The following KCNK2 variants were observed in gnomAD, a reference collection of about 807,000 sequenced individuals.
KCNK2 encodes the protein potassium two pore domain channel subfamily K member 2.
KCNK2 carries 21 observed loss-of-function variants against 40.5 expected under a neutral mutation model. That is an observed-to-expected ratio of 0.52 (90% CI 0.37 to 0.75). The LOEUF (loss-of-function observed/expected upper bound fraction) is 0.75, where lower values mean the gene tolerates loss of function less well. KCNK2 is among the 30% of genes least tolerant of loss of function. The pLI, the probability that KCNK2 is intolerant of heterozygous loss-of-function variation, is 0.00. For synonymous variants in KCNK2, 191 were observed against 202.2 expected, an observed-to-expected ratio of 0.94 and a Z score of 0.47; for missense variants, 399 against 531.6, an observed-to-expected ratio of 0.75 and a Z score of 2.45.
chr1:215,046,189 C>G (rs1461103216), intron 1 of KCNK2, among the ~76,000 whole-genome samples: 3 of 152,038 alleles, frequency 2.0e-5, no homozygotes, highest in Non-Finnish European at 4.4e-5. Context: ...ATAGAAATAT[C>G]TGTTACCAGA....
intron 1 of KCNK2, among the ~76,000 whole-genome samples, chr1:215,027,973 T>G (rs1241776720): frequency 6.6e-6 from 1 of 152,204 alleles, no homozygotes; most frequent in African/African-American, 2.4e-5. Flanking sequence ...TTAATATTAT[T>G]TTAATTCTTT....
chr1:215,225,018 A>G (rs1666330544), intron 6 of KCNK2, among the ~76,000 whole-genome samples: 2 of 152,168 alleles, frequency 1.3e-5, no homozygotes, highest in Non-Finnish European at 2.9e-5. Context: ...TATATACTGC[A>G]TAATATAACA....
chr1:215,057,037 A>G (rs898969563), intron 1 of KCNK2, among the ~76,000 whole-genome samples: 1 of 152,136 alleles, frequency 6.6e-6, no homozygotes, highest in Admixed American at 6.6e-5. Flanking sequence ...AGTTTGTGTA[A>G]GTTTATTACT....
intron 1 of KCNK2, among the ~76,000 whole-genome samples, chr1:215,015,507 T>A (rs920352837): frequency 2.0e-5 from 3 of 152,140 alleles, no homozygotes; most frequent in Non-Finnish European, 4.4e-5. Flanking sequence ...GGTAACTCTT[T>A]ATCCATTCAT....
intron 1 of KCNK2, among the ~76,000 whole-genome samples, chr1:215,070,512 G>A (rs1442513863): frequency 6.6e-6 from 1 of 151,606 alleles, no homozygotes; most frequent in East Asian, 1.9e-4. Context: ...ATGGCTGAAG[G>A]TAAATGAGGA....
chr1:215,095,555 G>A (rs2102543991), intron 2 of KCNK2, among the ~76,000 whole-genome samples: 1 of 152,186 alleles, frequency 6.6e-6, no homozygotes, highest in South Asian at 2.1e-4. Flanking sequence ...AAGTGGCACA[G>A]CAAACGTTAA....
intron 3 of KCNK2, among the ~76,000 whole-genome samples, chr1:215,136,199 G>C (rs1661902926): frequency 1.3e-5 from 2 of 151,926 alleles, no homozygotes; most frequent in South Asian, 4.2e-4. Context: ...AGGTTCAAGT[G>C]ATTCTCCTGC....
chr1:215,030,188 C>T (rs1048885670), intron 1 of KCNK2, among the ~76,000 whole-genome samples: 2 of 152,138 alleles, frequency 1.3e-5, no homozygotes, highest in African/African-American at 4.8e-5. Context: ...GCTTATTTGT[C>T]ATTTGTGTAT....
intron 1 of KCNK2, among the ~76,000 whole-genome samples, chr1:215,051,558 T>G (rs751696203): frequency 1.3e-5 from 2 of 152,202 alleles, no homozygotes; most frequent in Non-Finnish European, 2.9e-5. Flanking sequence ...TTCTTATTAC[T>G]GTCTATAAAG....
At chr1:215,191,779 AT>A (rs1664677407) in intron 5 of KCNK2, among the ~76,000 whole-genome samples, 2 of 152,178 alleles carry the variant, frequency 1.3e-5, no homozygotes, top group Non-Finnish European at 1.5e-5. Flanking sequence ...TATGTGCATG[AT>A]TTTAGTGGTA....
At chr1:215,202,361 CT>C (rs1411983751) in intron 6 of KCNK2, among the ~76,000 whole-genome samples, 2 of 152,176 alleles carry the variant, frequency 1.3e-5, no homozygotes, top group African/African-American at 4.8e-5. Context: ...AAAGTTCTTT[CT>C]TTCTCTAGTC....
chr1:215,083,198 C>CCCCT lies in KCNK2; in HGVS notation c.-185_-184insTCCC. 1.7e-6 allele frequency: 1 copy of CCCCT among 603,080 alleles called. No homozygotes were observed. The allele number at this position is 603,080 out of a possible 1,614,324, so 37.4% of individuals were successfully genotyped here. A position where few individuals can be genotyped will look rare whatever the true frequency, so the allele number is the denominator to read the frequency against. ...CGATTTCGTTTCTTCTCACGCTCCC[C>CCCCT]CCCCCGCCCCCTCCCGCGTCCAGCC... On this transcript the variant is annotated 5_prime_UTR_variant, in exon 1 of 7. Transcript: ENST00000444842.
chr1:215,036,711 TGTA>T (rs1657397730), intron 1 of KCNK2, among the ~76,000 whole-genome samples: 1 of 151,906 alleles, frequency 6.6e-6, no homozygotes, highest in Non-Finnish European at 1.5e-5. Context: ...AACAATGTTT[TGTA>T]GTATTCAATG....
chr1:215,195,200 T>TTA, intron 6 of KCNK2, 108 bp downstream of exon 6: 7 of 897,298 alleles, frequency 7.8e-6, no homozygotes, highest in Non-Finnish European at 1.1e-5. Context: ...TTTAAAATGT[T>TTA]AATATTTTCT....
chr1:215,219,342 C>T (rs1666080837), intron 6 of KCNK2, among the ~76,000 whole-genome samples: 1 of 152,174 alleles, frequency 6.6e-6, no homozygotes, highest in Non-Finnish European at 1.5e-5. Context: ...CTGTCCATGC[C>T]TATTTTAAGA....
rs748893772 is a variant in KCNK2, at chr1:215,083,443, C to G, written c.46+12C>G. The G allele has an allele frequency of 3.6e-5, 57 of 1,596,288 alleles. No individual in the cohort carries two copies. Among genetic ancestry groups the G allele is most frequent in the Non-Finnish European group, 4.1e-5 (48 of 1,164,490 alleles). The stretch of plus-strand genomic sequence containing the variant: ...CTATAGAGCAGGAGGTGAGACCCCC[C>G]CTCCGGTACCCCCACCCCTCTGGCC... On this transcript the variant is annotated intron_variant, in intron 1 of 6. Transcript: ENST00000444842.
intron 6 of KCNK2, among the ~76,000 whole-genome samples, chr1:215,219,588 A>T (rs1241918388): frequency 6.6e-6 from 1 of 152,176 alleles, no homozygotes; most frequent in Non-Finnish European, 1.5e-5. Context: ...CCCATGACTC[A>T]TGTTATTAAC....
intron 6 of KCNK2, among the ~76,000 whole-genome samples, chr1:215,200,286 T>G (rs1665030796): frequency 6.6e-6 from 1 of 152,168 alleles, no homozygotes; most frequent in Non-Finnish European, 1.5e-5. Flanking sequence ...TAGCTTTGTT[T>G]TGTTTTGCTA....
At chr1:215,161,016 C>T (rs924914414) in intron 3 of KCNK2, among the ~76,000 whole-genome samples, 2 of 152,092 alleles carry the variant, frequency 1.3e-5, no homozygotes, top group African/African-American at 2.4e-5. Flanking sequence ...GAAATGTTGC[C>T]GAGATCATCC....
Sources: gnomAD v4.1 joint callset for allele counts (sites outside exome capture counted in the v4.1 genomes callset) on GRCh38, gnomAD v4.1.1 for gene constraint, MANE v1.5 for transcripts, NCBI Gene and HGNC (gene_info 2026-07-23, HGNC 2026-07-21) for gene names.